The following PTPRN2 variants were observed in gnomAD, a reference collection of about 807,000 sequenced individuals.
The protein encoded by PTPRN2 is protein tyrosine phosphatase receptor type N2.
PTPRN2 carries 74 observed loss-of-function variants against 118.8 expected under a neutral mutation model. The observed-to-expected ratio is 0.62, with a 90% CI of 0.52 to 0.76. The LOEUF (loss-of-function observed/expected upper bound fraction) is 0.76. Among genes scored for constraint, PTPRN2 ranks in the 30% least tolerant of loss-of-function variants. PTPRN2 has a pLI of 0.00. For missense variants in PTPRN2, 1,481 were observed against 1,394.4 expected (o/e 1.06, Z -0.99); for synonymous variants, 641 against 608.0 (o/e 1.05, Z -0.80).
intron 11 of PTPRN2, among the ~76,000 whole-genome samples, chr7:157,966,648 C>G (rs558030788): frequency 1.3e-5 from 2 of 151,624 alleles, no homozygotes; most frequent in African/African-American, 4.8e-5. Flanking sequence ...TTCATTATCA[C>G]CATCAACATC....
intron 3 of PTPRN2, among the ~76,000 whole-genome samples, chr7:158,246,853 G>C (rs557621389): frequency 2.6e-5 from 4 of 152,188 alleles, no homozygotes; most frequent in South Asian, 4.1e-4. Flanking sequence ...GACCCACGAT[G>C]GGAAAAGTCA....
intron 12 of PTPRN2, among the ~76,000 whole-genome samples, chr7:157,814,528 G>T (rs960422290): frequency 1.4e-5 from 2 of 146,332 alleles, no homozygotes; most frequent in Non-Finnish European, 3.0e-5. Flanking sequence ...ACGGGGACAG[G>T]CGGGGGCAGG....
At chr7:157,931,404 C>T (rs149762949) in intron 11 of PTPRN2, among the ~76,000 whole-genome samples, 187 of 152,280 alleles carry the variant, frequency 1.2e-3, no homozygotes, top group African/African-American at 4.4e-3. Flanking sequence ...AAGGGCAGGC[C>T]CAATCAGGCC....
intron 2 of PTPRN2, among the ~76,000 whole-genome samples, chr7:158,467,858 C>A (rs1733145): frequency 7.9e-5 from 12 of 151,918 alleles, no homozygotes; most frequent in African/African-American, 2.7e-4. Flanking sequence ...TGGGAGCCCC[C>A]GGGGAAGGCC....
chr7:158,379,200 G>T (rs1810773364), intron 2 of PTPRN2, among the ~76,000 whole-genome samples: 1 of 152,180 alleles, frequency 6.6e-6, no homozygotes, highest in African/African-American at 2.4e-5. Context: ...TCCACACGTA[G>T]GATGCTCCCT....
intron 8 of PTPRN2, among the ~76,000 whole-genome samples, chr7:158,135,010 A>T (rs1156624996): frequency 2.0e-5 from 3 of 152,026 alleles, no homozygotes; most frequent in African/African-American, 2.4e-5. Context: ...GGCACCCTAC[A>T]CTGCTTCCTA....
intron 11 of PTPRN2, among the ~76,000 whole-genome samples, chr7:157,996,237 C>T (rs1804720615): frequency 6.6e-6 from 1 of 152,160 alleles, no homozygotes; most frequent in South Asian, 2.1e-4. Context: ...TACATGCGTG[C>T]ATGGATGTAG....
intron 13 of PTPRN2, among the ~76,000 whole-genome samples, chr7:157,664,763 C>T (rs1452506114): frequency 6.6e-6 from 1 of 152,218 alleles, no homozygotes; most frequent in Non-Finnish European, 1.5e-5. Context: ...TGTCCGCCTA[C>T]ACCCGCCAAA....
chr7:158,330,742 C>T (rs1358698685), intron 2 of PTPRN2, among the ~76,000 whole-genome samples: 2 of 116,068 alleles, frequency 1.7e-5, no homozygotes, highest in Non-Finnish European at 3.9e-5. Flanking sequence ...ACGTCACTCA[C>T]ACCCACACTC....
At chr7:158,110,049 G>C (rs899740143) in intron 10 of PTPRN2, among the ~76,000 whole-genome samples, 2 of 149,778 alleles carry the variant, frequency 1.3e-5, no homozygotes, top group Non-Finnish European at 3.0e-5. Context: ...AGGGGCCAGT[G>C]AGTGAACAAC....
intron 3 of PTPRN2, among the ~76,000 whole-genome samples, chr7:158,262,969 C>T (rs1797604152): frequency 8.0e-6 from 1 of 125,580 alleles, no homozygotes. Flanking sequence ...CACATTCACA[C>T]ACTGCACACA....
chr7:158,386,431 A>C (rs1279088672), intron 2 of PTPRN2, among the ~76,000 whole-genome samples: 1 of 150,918 alleles, frequency 6.6e-6, no homozygotes, highest in Non-Finnish European at 1.5e-5. Flanking sequence ...CCATGCCCCG[A>C]GTCCCTCCTC....
intron 14 of PTPRN2, among the ~76,000 whole-genome samples, chr7:157,648,702 A>T (rs1252847978): frequency 2.5e-5 from 3 of 121,748 alleles, no homozygotes; most frequent in East Asian, 3.5e-4. Flanking sequence ...TCGGTGGGTC[A>T]GACCCATTCA....
intron 6 of PTPRN2, among the ~76,000 whole-genome samples, chr7:158,147,874 C>G: frequency 1.4e-5 from 2 of 138,260 alleles, no homozygotes; most frequent in South Asian, 2.5e-4. Context: ...CAATGACACC[C>G]CATCTCACGC....
In PTPRN2 at chr7:157,552,433, G is replaced by A. The variant is rs754597530; in HGVS notation, c.2903-3414C>T. ...CAGGCTCCATCTAACACTGGGTCTC[G>A]TAACTCCTCACACACCCCAACTGCT... On this transcript the variant is annotated intron_variant, in intron 21 of 22. Coordinates refer to ENST00000389418, the MANE Select transcript of PTPRN2 (RefSeq NM_002847.5). Among the ~76,000 whole-genome samples, 8 of 152,036 alleles carry A rather than the reference G, an allele frequency of 5.3e-5. No individual in the cohort carries two copies. The South Asian group carries it at 1.0e-3, about 20-fold the overall frequency.
At chr7:158,311,377 T>G (rs1163023483) in intron 3 of PTPRN2, among the ~76,000 whole-genome samples, 1 of 152,216 alleles carries the variant, frequency 6.6e-6, no homozygotes, top group Non-Finnish European at 1.5e-5. Context: ...GAATCCACAG[T>G]CGTTTTCATG....
intron 13 of PTPRN2, among the ~76,000 whole-genome samples, chr7:157,668,525 A>G (rs1200354599): frequency 6.6e-6 from 1 of 152,226 alleles, no homozygotes; most frequent in East Asian, 1.9e-4. Flanking sequence ...AAAGCTGGGC[A>G]GGAAAAAGTG....
At position 157,831,513 on chromosome 7, in the gene PTPRN2, G is replaced by A. The variant is rs1203745679; in HGVS notation, c.1788+67160C>T. Among the ~76,000 whole-genome samples the A allele has an allele frequency of 1.3e-5, 2 of 152,156 alleles. No homozygotes were observed. The highest frequency in any genetic ancestry group is 2.1e-4 in the South Asian group (1 of 4,826). The stretch of plus-strand genomic sequence containing the variant: ...AGCTGCCCTCCCCATCCCTGTCCAC[G>A]GCCCCTCTCACCCTGCAGTACTGAG... On this transcript the variant is annotated intron_variant, in intron 12 of 22. Transcript: ENST00000389418. This position sits in a 1 kb window ranked among gnomAD's most constrained non-coding sequence, Gnocchi z 4.8.
intron 3 of PTPRN2, among the ~76,000 whole-genome samples, chr7:158,219,729 CT>C (rs1326245141): frequency 6.6e-6 from 1 of 151,824 alleles, no homozygotes; most frequent in Non-Finnish European, 1.5e-5. Context: ...ACAAGAAAAC[CT>C]TTTAGGTTTT....
Sources: gnomAD v4.1 joint callset for allele counts (sites outside exome capture counted in the v4.1 genomes callset) on GRCh38, gnomAD v4.1.1 for gene constraint, Gnocchi (gnomAD v3.1) non-coding constraint, MANE v1.5 for transcripts, NCBI Gene and HGNC (gene_info 2026-07-23, HGNC 2026-07-21) for gene names.